ZNF426: variants seen among roughly 807,000 people sequenced by gnomAD.
The protein encoded by ZNF426 is CTC-543D15.7.
In ZNF426, 23 loss-of-function variants were observed where a neutral mutation model predicts 24.0. The ratio of observed to expected loss-of-function variants is 0.96; its 90% CI spans 0.69 to 1.36. The LOEUF is 1.36. Ranked by LOEUF, ZNF426 falls within the 40% of genes most tolerant of loss-of-function variation. The probability of loss-of-function intolerance (pLI) is 0.00; values close to 1 mark genes in which losing one functional copy is unlikely to be tolerated. For missense variants in ZNF426, 646 were observed against 658.4 expected, an observed-to-expected ratio of 0.98 and a Z score of 0.21; for synonymous variants, 272 against 224.6, an observed-to-expected ratio of 1.21 and a Z score of -1.89.
At chr19:9,530,634 T>C (rs1599711924) in intron 7 of ZNF426, among the ~76,000 whole-genome samples, 2 of 150,060 alleles carry the variant, frequency 1.3e-5, no homozygotes, top group Non-Finnish European at 3.0e-5. Context: ...TGGTGGTGCA[T>C]GCCTGTAGTC....
chr19:9,535,965 A>G (rs733101), intron 3 of ZNF426, among the ~76,000 whole-genome samples: 26,311 of 152,146 alleles, frequency 0.17, 3,612 homozygotes, highest in African/African-American at 0.38. Flanking sequence ...CATTTCACAC[A>G]TAAGGAAACA....
rs753272701 is a variant in ZNF426 at position 9,529,183 on chromosome 19, C to A, written c.862G>T (p.Gly288Cys). ...CTGAGGTAGGCTGGGTATCTATAGCCTTTTCCACATTCCTTACATTTGTAG... is the reference window on the plus strand; with the variant it reads ...CTGAGGTAGGCTGGGTATCTATAGCATTTTCCACATTCCTTACATTTGTAG... Reference protein sequence around the residue: ...KPYKCKECGKGYRYPAYLSIH... With the variant: ...KPYKCKECGKCYRYPAYLSIH... The change falls in exon 8 of 8, where the codon GGC becomes TGC. Residue 288 changes from glycine to cysteine, a missense_variant. Transcript: ENST00000253115. The A allele has an allele frequency of 1.1e-5, 18 of 1,614,070 alleles. No homozygotes were observed. Among genetic ancestry groups the A allele is most frequent in the Non-Finnish European group, 1.4e-5 (17 of 1,180,036 alleles).
At position 9,529,331 on chromosome 19, in the gene ZNF426, G is replaced by T; in HGVS notation, c.714C>A (p.Tyr238Ter). Reference sequence around the variant, plus strand: ...TGTGAGTTCTCATATGTGCCTGAAGGTATGACTCATTAATGAAGGATTTTC... The same window carrying T: ...TGTGAGTTCTCATATGTGCCTGAAGTTATGACTCATTAATGAAGGATTTTC... ...HCGKSFINES[Y>*]LQAHMRTHNG... Residue 238 changes from tyrosine to a stop codon, truncating the protein, a stop_gained, in exon 8 of 8, where the codon TAC becomes TAA. Coordinates refer to ENST00000253115, the MANE Select transcript of ZNF426 (RefSeq NM_024106.3). LOFTEE classifies it low-confidence loss of function (END_TRUNC). 1 of 1,614,136 alleles carries T rather than the reference G, an allele frequency of 6.2e-7. No individual in the cohort carries two copies. Among genetic ancestry groups the T allele is most frequent in the Non-Finnish European group, 8.5e-7 (1 of 1,180,024 alleles).
At chr19:9,534,006 A>G (rs1303849012) in intron 4 of ZNF426, 40 bp from the exon 5 acceptor site, 2 of 1,603,352 alleles carry the variant, frequency 1.2e-6, no homozygotes, top group African/African-American at 1.3e-5. Context: ...CCAAGTAACA[A>G]GCCCATCAGC....
intron 4 of ZNF426, among the ~76,000 whole-genome samples, 161 bp downstream of exon 4, chr19:9,535,027 C>T (rs912524204): frequency 6.8e-6 from 1 of 146,738 alleles, no homozygotes; most frequent in Non-Finnish European, 1.5e-5. Context: ...TGCAGTGAGC[C>T]GAGAGCATAG....
rs567326897 is a variant in ZNF426, at chr19:9,528,917, G to A, written c.1128C>T (p.Ser376=). 4 of 1,613,846 alleles carry A rather than the reference G, an allele frequency of 2.5e-6. No homozygotes were observed. Among genetic ancestry groups the A allele is most frequent in the African/African-American group, 1.3e-5 (1 of 74,914 alleles). Residue 376 remains serine (S), a synonymous_variant, in exon 8 of 8, where the codon TCC becomes TCT. Coordinates refer to ENST00000253115, the MANE Select transcript of ZNF426 (RefSeq NM_024106.3). ...TTCTTATATGTTGAATAAGGCGTGAGGATGTAAGGAAGGATTTCCCACATT... is the reference window on the plus strand; with the variant it reads ...TTCTTATATGTTGAATAAGGCGTGAAGATGTAAGGAAGGATTTCCCACATT... ...CKECGKSFLT[S]SRLIQHIRTH...
Position 9,529,335 on chromosome 19 carries a change from G to T in ZNF426, c.710C>A (p.Ser237Ter). 1 of 1,614,166 alleles carries T rather than the reference G, an allele frequency of 6.2e-7. No individual in the cohort carries two copies. The highest frequency in any genetic ancestry group is 1.1e-5 in the South Asian group (1 of 91,058). Reference protein sequence around the residue: ...SHCGKSFINESYLQAHMRTHN... With the variant: ...SHCGKSFINE ...AGTTCTCATATGTGCCTGAAGGTATGACTCATTAATGAAGGATTTTCCACA... is the reference window on the plus strand; with the variant it reads ...AGTTCTCATATGTGCCTGAAGGTATTACTCATTAATGAAGGATTTTCCACA... The change falls in exon 8 of 8, where the codon TCA becomes TAA. Residue 237 changes from serine (S) to a stop codon, truncating the protein, a stop_gained. Transcript: ENST00000253115. LOFTEE classifies it low-confidence loss of function (END_TRUNC).
rs988138651 is a variant in ZNF426, at chr19:9,536,166, G to A, written c.25+42C>T. The A allele has an allele frequency of 5.0e-6, 8 of 1,613,874 alleles. No homozygotes were observed. The Admixed American group carries it at 5.0e-5, about 10-fold the overall frequency. The stretch of plus-strand genomic sequence containing the variant: ...CACTAGACCCTATATTGTGTAAAGG[G>A]AACCTAGAACAGGATATCCTAAAAA... On this transcript the variant is annotated intron_variant, in intron 3 of 7. Transcript: ENST00000253115.
At position 9,532,859 on chromosome 19, in the gene ZNF426, C is replaced by T. The variant is rs750476349; in HGVS notation, c.311G>A (p.Gly104Glu). The part of the protein sequence containing the change: ...LEQEESRTVQ[G>E]GVLQGWEMRL... ...TGAACACTCACCTTGGAGAACTCCT[C>T]CCTGAACTGTCCTTGACTCTTCTTG... The change falls in exon 6 of 8, where the codon GGA becomes GAA. Residue 104 changes from glycine to glutamate, a missense_variant. Physicochemically the swap from Gly to Glu is moderately conservative, Grantham distance 98. Coordinates refer to ENST00000253115, the MANE Select transcript of ZNF426 (RefSeq NM_024106.3). 1.9e-6 allele frequency: 3 copies of T among 1,613,884 alleles called. No homozygotes were observed. The South Asian group carries it at 3.3e-5, about 18-fold the overall frequency.
chr19:9,533,777 A>C, intron 5 of ZNF426, 63 bp downstream of exon 5: 1 of 1,605,042 alleles, frequency 6.2e-7, no homozygotes, highest in South Asian at 1.1e-5. Flanking sequence ...CCAATGCTGC[A>C]AAACAGTAAG....
intron 2 of ZNF426, among the ~76,000 whole-genome samples, chr19:9,537,137 A>AAAT (rs1027684009): frequency 6.7e-6 from 1 of 150,056 alleles, no homozygotes; most frequent in Admixed American, 6.6e-5. Context: ...CTCAAAAAAA[A>AAAT]AATAATAATA....
intron 5 of ZNF426, 96 bp downstream of exon 5, chr19:9,533,744 C>T: frequency 6.5e-7 from 1 of 1,529,664 alleles, no homozygotes; most frequent in East Asian, 2.3e-5. Context: ...TGTTATTTCT[C>T]TTTGCATTCA....
chr19:9,533,047 A>G (rs1363104460), intron 5 of ZNF426, 122 bp from the exon 6 acceptor site: 2 of 790,484 alleles, frequency 2.5e-6, no homozygotes, highest in Non-Finnish European at 4.2e-6. Context: ...CGAAAAATGC[A>G]AATAACAACT....
At position 9,528,704 on chromosome 19, in the gene ZNF426, T is replaced by C. The variant is rs73509614; in HGVS notation, c.1341A>G (p.Pro447=). 1.4e-5 allele frequency: 23 copies of C among 1,613,926 alleles called. No individual in the cohort carries two copies. The African/African-American group carries it at 2.9e-4, about 21-fold the overall frequency. The change falls in exon 8 of 8, where the codon CCA becomes CCG. Residue 447 remains proline, a synonymous_variant. Coordinates refer to ENST00000253115, the MANE Select transcript of ZNF426 (RefSeq NM_024106.3). ...CCTTCCCACATTCCTTACAGGTGTA[T>C]GGTTTCTGGGCACTGTGCGTTCGCA... ...NHMRTHSAQK[P]YTCKECGKAF...
intron 7 of ZNF426, 34 bp downstream of exon 7, chr19:9,530,951 G>A (rs750309379): frequency 5.2e-6 from 8 of 1,532,532 alleles, no homozygotes; most frequent in South Asian, 2.3e-5. Flanking sequence ...TTCTCTGAGG[G>A]TGGAAAATAA....
chr19:9,528,998 C>T lies in ZNF426; in HGVS notation c.1047G>A (p.Ser349=), dbSNP rs781548010. Reference sequence around the variant, plus strand: ...GAGATCGTACATGCATACTAAGGCCCGAGTACTGAGTGAAGGCTTTCCCAC... The same window carrying T: ...GAGATCGTACATGCATACTAAGGCCTGAGTACTGAGTGAAGGCTTTCCCAC... ...KECGKAFTQY[S]GLSMHVRSHS... The change falls in exon 8 of 8, where the codon TCG becomes TCA. Residue 349 remains serine, a synonymous_variant. Coordinates refer to ENST00000253115, the MANE Select transcript of ZNF426 (RefSeq NM_024106.3). 2.5e-5 allele frequency: 41 copies of T among 1,611,708 alleles called. No homozygotes were observed. The highest frequency in any genetic ancestry group is 3.3e-5 in the Admixed American group (2 of 59,794).
Position 9,524,574 on chromosome 19 carries a change from G to A in ZNF426, c.*3806C>T, listed in dbSNP as rs969499608. 4.6e-5 allele frequency: 7 copies of A among 152,036 alleles called. No homozygotes were observed. Among genetic ancestry groups the A allele is most frequent in the African/African-American group, 1.7e-4 (7 of 41,396 alleles). The allele number at this position is 152,036 out of a possible 1,614,324, so 9.4% of individuals were successfully genotyped here. On this transcript the variant is annotated 3_prime_UTR_variant, in exon 8 of 8. Coordinates refer to ENST00000253115, the MANE Select transcript of ZNF426 (RefSeq NM_024106.3). ...AACCAGGCAGATCACTGGAGGTCAG[G>A]AGTTCGAGACCAGCCTGATCAACAT...
chr19:9,532,375 C>T (rs971885774), intron 6 of ZNF426, among the ~76,000 whole-genome samples: 4 of 149,750 alleles, frequency 2.7e-5, no homozygotes, highest in Admixed American at 6.7e-5. Flanking sequence ...CATCTCACCA[C>T]AGCCTTGACC....
chr19:9,535,088 AAAAAAAAAG>A, intron 4 of ZNF426, 91 bp downstream of exon 4: 1 of 936,216 alleles, frequency 1.1e-6, no homozygotes, highest in African/African-American at 1.7e-5. Context: ...AAAAAAAAAA[AAAAAAAAAG>A]AAGTCTGGAG....
Sources: gnomAD v4.1 joint callset for allele counts (sites outside exome capture counted in the v4.1 genomes callset) on GRCh38, gnomAD v4.1.1 for gene constraint, MANE v1.5 for transcripts, NCBI Gene and HGNC (gene_info 2026-07-23, HGNC 2026-07-21) for gene names.